VSIR: variants seen among roughly 807,000 people sequenced by gnomAD.
VSIR encodes the protein V-set immunoregulatory receptor.
VSIR carries 10 observed loss-of-function variants against 31.0 expected under a neutral mutation model. The ratio of observed to expected loss-of-function variants is 0.32; its 90% CI spans 0.20 to 0.55. VSIR has a LOEUF of 0.55. Among genes scored for constraint, VSIR ranks in the 20% least tolerant of loss-of-function variants. The pLI is 0.93. For synonymous variants in VSIR, 179 were observed against 180.1 expected (o/e 0.99, Z 0.05); for missense variants, 356 against 416.2 (o/e 0.86, Z 1.26).
intron 4 of VSIR, chr10:71,753,938 G>A: frequency 2.2e-6 from 1 of 452,856 alleles, no homozygotes; most frequent in Non-Finnish European, 4.5e-6. Context: ...ACCCTTTGGG[G>A]TGAGGGTTGT....
At position 71,760,314 on chromosome 10, in the gene VSIR, CAT is replaced by C. The variant is rs71018220; in HGVS notation, c.568+552_568+553del. On this transcript the variant is annotated intron_variant, in intron 3 of 6. Coordinates refer to ENST00000394957, the MANE Select transcript of VSIR (RefSeq NM_022153.2). ...GTGTATATATATGTATATACACACA[CAT>C]ATATATATATATATATCCCTGAGAT... Among the ~76,000 whole-genome samples the C allele has an allele frequency of 5.8e-4, 48 of 82,398 alleles. 4 individuals are homozygous for C. The Middle Eastern group carries it at 0.018, about 31-fold the overall frequency. 54.1% of individuals were successfully genotyped at this position (82,398 alleles called of 152,430 possible). A position where few individuals can be genotyped will look rare whatever the true frequency, so the allele number is the denominator to read the frequency against.
In VSIR at chr10:71,751,857, T is replaced by C. The variant is rs200047559; in HGVS notation, c.709A>G (p.Ile237Val). 8.4e-6 allele frequency: 13 copies of C among 1,548,740 alleles called. No individual in the cohort carries two copies. Among genetic ancestry groups the C allele is most frequent in the South Asian group, 1.2e-5 (1 of 81,594 alleles). ...AAGCCGGGGTTTTCAATCCCTTGAA[T>C]GTTGCTGCCACAGAACCAGAATGGA... ...AQELVRMDSNIQGIENPGFEA... is the reference protein window; with the variant it reads ...AQELVRMDSNVQGIENPGFEA... The change falls in exon 6 of 7, where the codon ATT becomes GTT. Residue 237 changes from isoleucine to valine, a missense_variant. Transcript: ENST00000394957. The surrounding 1 kb of genome is among the most constrained non-coding windows in gnomAD (Gnocchi z 4.9).
intron 2 of VSIR, among the ~76,000 whole-genome samples, chr10:71,761,148 G>A: frequency 6.6e-6 from 1 of 152,200 alleles, no homozygotes. Context: ...AATACCCGCT[G>A]GTGCCCACAC....
rs150554747 is a variant in VSIR, at chr10:71,761,917, G to A, written c.192C>T (p.His64=). 75 of 1,614,022 alleles carry A rather than the reference G, an allele frequency of 4.6e-5. No homozygotes were observed. The highest frequency in any genetic ancestry group is 3.8e-4 in the East Asian group (17 of 44,882). Residue 64 remains histidine (H), a synonymous_variant, in exon 2 of 7, where the codon CAC becomes CAT. Coordinates refer to ENST00000394957, the MANE Select transcript of VSIR (RefSeq NM_022153.2). ...ACCACGTCTTGTAGAAGGTCACATC[G>A]TGCCCTTTGTCCACAGGGCCCAAGA... The part of the protein sequence containing the change: ...CRLLGPVDKG[H]DVTFYKTWYR...
intron 3 of VSIR, among the ~76,000 whole-genome samples, chr10:71,760,300 T>C: frequency 9.3e-6 from 1 of 107,914 alleles, no homozygotes; most frequent in Non-Finnish European, 2.2e-5. Context: ...TGTATATATA[T>C]GTATATACAC....
At chr10:71,759,322 G>A (rs1840235655) in intron 3 of VSIR, among the ~76,000 whole-genome samples, 1 of 151,914 alleles carries the variant, frequency 6.6e-6, no homozygotes, top group Non-Finnish European at 1.5e-5. Context: ...ACAGGCGTGA[G>A]CCACCGCACC....
intron 1 of VSIR, among the ~76,000 whole-genome samples, chr10:71,763,942 C>G (rs1840463644): frequency 6.6e-6 from 1 of 152,168 alleles, no homozygotes; most frequent in African/African-American, 2.4e-5. Flanking sequence ...CCAAAGGCAC[C>G]AAAGCCCCAA....
chr10:71,764,315 C>T (rs1307575438), intron 1 of VSIR, among the ~76,000 whole-genome samples: 1 of 152,036 alleles, frequency 6.6e-6, no homozygotes, highest in Non-Finnish European at 1.5e-5. Flanking sequence ...GAAACTAAGG[C>T]ACAGAGAACT....
In VSIR at chr10:71,751,560, G is replaced by A. The variant is rs1244135849; in HGVS notation, c.898+108C>T. Reference sequence around the variant, plus strand: ...TCCCTCACCCTCAACCCCACCCCGTGAGGCCGTGGAACTCTTCAGGGAGGG... The same window carrying A: ...TCCCTCACCCTCAACCCCACCCCGTAAGGCCGTGGAACTCTTCAGGGAGGG... On this transcript the variant is annotated intron_variant, in intron 6 of 6. Transcript: ENST00000394957. This position sits in a 1 kb window ranked among gnomAD's most constrained non-coding sequence, Gnocchi z 4.9. The A allele has an allele frequency of 2.4e-6, 3 of 1,262,366 alleles. No individual in the cohort carries two copies. Among genetic ancestry groups the A allele is most frequent in the East Asian group, 2.6e-5 (1 of 39,138 alleles). The allele number at this position is 1,262,366 out of a possible 1,614,324, so 78.2% of individuals were successfully genotyped here.
intron 1 of VSIR, among the ~76,000 whole-genome samples, chr10:71,768,311 C>T (rs1418193111): frequency 1.3e-5 from 2 of 152,150 alleles, no homozygotes; most frequent in Non-Finnish European, 2.9e-5. Flanking sequence ...GCTGGGACTA[C>T]AGGCACCCGC....
At chr10:71,762,241 G>T (rs1219720327) in intron 1 of VSIR, among the ~76,000 whole-genome samples, 1 of 152,256 alleles carries the variant, frequency 6.6e-6, no homozygotes, top group Non-Finnish European at 1.5e-5. Flanking sequence ...CCAACTAGGG[G>T]TGCTCCTGGA....
In VSIR at chr10:71,748,255, C is replaced by T. The variant is rs952834181; in HGVS notation, c.*2998G>A. On this transcript the variant is annotated 3_prime_UTR_variant, in exon 7 of 7. Coordinates refer to ENST00000394957, the MANE Select transcript of VSIR (RefSeq NM_022153.2). ...CCTGAAAAAGGCCATGTATCAGCCC[C>T]TCTGCCCTGGGCCACTGCATGTAGT... The T allele has an allele frequency of 6.6e-6, 1 of 152,538 alleles. No individual in the cohort carries two copies. The highest frequency in any genetic ancestry group is 2.4e-5 in the African/African-American group (1 of 41,462). 9.4% of individuals were successfully genotyped at this position (152,538 alleles called of 1,614,324 possible).
At chr10:71,771,214 T>C (rs1268516280) in intron 1 of VSIR, among the ~76,000 whole-genome samples, 1 of 152,172 alleles carries the variant, frequency 6.6e-6, no homozygotes, top group Non-Finnish European at 1.5e-5. Context: ...TGAGATCTGC[T>C]GGGTCCTGGT....
At chr10:71,768,973 C>T (rs1241826435) in intron 1 of VSIR, among the ~76,000 whole-genome samples, 1 of 152,160 alleles carries the variant, frequency 6.6e-6, no homozygotes, top group East Asian at 1.9e-4. Flanking sequence ...AGGTCTGGTG[C>T]CATCTGACTA....
At chr10:71,757,929 C>G (rs1453165965) in intron 3 of VSIR, among the ~76,000 whole-genome samples, 10 of 152,180 alleles carry the variant, frequency 6.6e-5, no homozygotes, top group Admixed American at 5.9e-4. Context: ...AATGCAGGAG[C>G]TCCTTGGGCA....
Position 71,761,585 on chromosome 10 carries a change from A to T in VSIR, c.511+13T>A. ...CCACACACGCCAGGCTGTCACGTGC[A>T]GGATGCCCTCACCTGTCTGCACCTG... On this transcript the variant is annotated intron_variant, in intron 2 of 6. Transcript: ENST00000394957. 1 of 1,561,748 alleles carries T rather than the reference A, an allele frequency of 6.4e-7. No individual in the cohort carries two copies.
chr10:71,762,155 C>T (rs1840409606), intron 1 of VSIR, 129 bp from the exon 2 acceptor site: 1 of 1,060,922 alleles, frequency 9.4e-7, no homozygotes, highest in East Asian at 2.6e-5. Flanking sequence ...GCTGACCTCC[C>T]TAAGACTGCC....
intron 4 of VSIR, chr10:71,753,698 A>G: frequency 2.2e-6 from 1 of 452,754 alleles, no homozygotes; most frequent in South Asian, 1.6e-5. Context: ...TCCCTCTTTC[A>G]TGCAGCACCC....
intron 1 of VSIR, among the ~76,000 whole-genome samples, chr10:71,762,399 C>T (rs929981708): frequency 4.6e-5 from 7 of 152,224 alleles, no homozygotes; most frequent in South Asian, 2.1e-4. Context: ...TGTCCTTGGC[C>T]GCTCTGTAGG....
Sources: gnomAD v4.1 joint callset for allele counts (sites outside exome capture counted in the v4.1 genomes callset) on GRCh38, gnomAD v4.1.1 for gene constraint, Gnocchi (gnomAD v3.1) non-coding constraint, MANE v1.5 for transcripts, NCBI Gene and HGNC (gene_info 2026-07-23, HGNC 2026-07-21) for gene names.